ZNF587B: variants seen among roughly 807,000 people sequenced by gnomAD.
The protein encoded by ZNF587B is zinc finger protein 587B.
Under a neutral mutation model 7.2 loss-of-function variants are expected in ZNF587B, and 6 were observed. The observed-to-expected ratio is 0.83, with a 90% confidence interval of 0.46 to 1.65. The LOEUF is 1.65. Ranked by LOEUF, ZNF587B falls within the 40% of genes most tolerant of loss-of-function variation. The pLI is 0.01. For synonymous variants in ZNF587B, 274 were observed against 254.3 expected, an observed-to-expected ratio of 1.08 and a Z score of -0.74; for missense variants, 749 against 761.0, an observed-to-expected ratio of 0.98 and a Z score of 0.19.
intron 1 of ZNF587B, among the ~76,000 whole-genome samples, chr19:57,831,776 C>T (rs1988410237): frequency 6.6e-6 from 1 of 151,362 alleles, no homozygotes; most frequent in African/African-American, 2.4e-5. Flanking sequence ...GTGATCTCGG[C>T]TCACTGCAAC....
intron 1 of ZNF587B, among the ~76,000 whole-genome samples, chr19:57,837,436 TTTG>T (rs1293752669): frequency 1.4e-5 from 2 of 147,732 alleles, no homozygotes; most frequent in African/African-American, 5.3e-5. Flanking sequence ...TTTTTTTTGT[TTTG>T]TTTTTTTTTT....
In ZNF587B at chr19:57,844,186, C is replaced by T. The variant is rs532536905; in HGVS notation, c.*1610C>T. 1.8e-4 allele frequency: 73 copies of T among 414,474 alleles called. No homozygotes were observed. Among genetic ancestry groups the T allele is most frequent in the South Asian group, 1.2e-3 (71 of 58,874 alleles). 25.7% of individuals were successfully genotyped at this position (414,474 alleles called of 1,614,324 possible). A position where few individuals can be genotyped will look rare whatever the true frequency, so the allele number is the denominator to read the frequency against. On this transcript the variant is annotated 3_prime_UTR_variant, in exon 3 of 3. Coordinates refer to ENST00000594901, the MANE Select transcript of ZNF587B (RefSeq NM_001376223.1). ...CCTTCCCCATTTTTGTCCCAGAGGA[C>T]TCTTGTGCTGACTTGAAAAGATGGA...
At chr19:57,839,237 G>T in intron 2 of ZNF587B, 88 bp downstream of exon 2, 1 of 1,563,800 alleles carries the variant, frequency 6.4e-7, no homozygotes, top group Non-Finnish European at 8.7e-7. Context: ...CATGTCAGGA[G>T]CATGGACACA....
rs186791535 is a variant in ZNF587B at position 57,836,634 on chromosome 19, G to T, written c.37-2389G>T. Among the ~76,000 whole-genome samples, 283 of 152,228 alleles carry T rather than the reference G, an allele frequency of 1.9e-3. 2 individuals carry two copies. Among genetic ancestry groups the T allele is most frequent in the African/African-American group, 6.4e-3 (264 of 41,530 alleles). ...ACCTCTCAGAGTGCTGGGATTACAG[G>T]TGTGAGACACCATGACTGGCCACTT... On this transcript the variant is annotated intron_variant, in intron 1 of 2. Coordinates refer to ENST00000594901, the MANE Select transcript of ZNF587B (RefSeq NM_001376223.1).
chr19:57,836,139 A>G (rs1216584591), intron 1 of ZNF587B, among the ~76,000 whole-genome samples: 1 of 151,888 alleles, frequency 6.6e-6, no homozygotes, highest in Non-Finnish European at 1.5e-5. Flanking sequence ...AGATGCAGGC[A>G]GAAGTACAGA....
rs1421746823 is a variant in ZNF587B, at chr19:57,843,898, C to G, written c.*1322C>G. On this transcript the variant is annotated 3_prime_UTR_variant, in exon 3 of 3. Coordinates refer to ENST00000594901, the MANE Select transcript of ZNF587B (RefSeq NM_001376223.1). Reference sequence around the variant, plus strand: ...TACAGTGTGAGCCTCTGCTTCTGGCCTTTTTAAAAATTTTTTAAATTTATA... The same window carrying G: ...TACAGTGTGAGCCTCTGCTTCTGGCGTTTTTAAAAATTTTTTAAATTTATA... Among the ~76,000 whole-genome samples, 1 of 151,914 alleles carries G rather than the reference C, an allele frequency of 6.6e-6. No individual in the cohort carries two copies. Among genetic ancestry groups the G allele is most frequent in the Admixed American group, 6.6e-5 (1 of 15,238 alleles).
chr19:57,837,332 C>T (rs1988656594), intron 1 of ZNF587B, among the ~76,000 whole-genome samples: 2 of 151,950 alleles, frequency 1.3e-5, no homozygotes, highest in African/African-American at 4.8e-5. Context: ...TCTTGACTCA[C>T]TGCAACCTTC....
At chr19:57,840,075 CAAAAAAAAAAAAAAAAAAAAAA>C (rs774635301) in intron 2 of ZNF587B, among the ~76,000 whole-genome samples, 19,728 of 81,128 alleles carry the variant, frequency 0.24, 1,901 homozygotes, top group South Asian at 0.36. Flanking sequence ...ACTCTGTCTC[CAAAAAAAAAAAAAAAAAAAAAA>C]AAAAAAAAAA....
chr19:57,834,770 C>G (rs1412041934), intron 1 of ZNF587B, among the ~76,000 whole-genome samples: 68 of 118,810 alleles, frequency 5.7e-4, no homozygotes, highest in African/African-American at 2.0e-3. Flanking sequence ...GCTTGAACCC[C>G]GGAGGCAGAG....
In ZNF587B at chr19:57,842,634, C is replaced by T. The variant is rs1319142765; in HGVS notation, c.*58C>T. ...AGGAGAGCACACACCTGAGTAAGAT[C>T]TTGTGATTGCAGCAAATGTGGAAAA... On this transcript the variant is annotated 3_prime_UTR_variant, in exon 3 of 3. Coordinates refer to ENST00000594901, the MANE Select transcript of ZNF587B (RefSeq NM_001376223.1). 7.4e-7 allele frequency: 1 copy of T among 1,354,980 alleles called. No homozygotes were observed. Among genetic ancestry groups the T allele is most frequent in the Non-Finnish European group, 9.5e-7 (1 of 1,055,330 alleles). 83.9% of individuals were successfully genotyped at this position (1,354,980 alleles called of 1,614,324 possible).
intron 1 of ZNF587B, among the ~76,000 whole-genome samples, chr19:57,830,849 G>C (rs921954686): frequency 2.0e-5 from 3 of 151,974 alleles, no homozygotes; most frequent in African/African-American, 7.3e-5. Context: ...GATGGGTAAC[G>C]CTCAAAGTTC....
At position 57,841,731 on chromosome 19, in the gene ZNF587B, C is replaced by T. The variant is rs1167419156; in HGVS notation, c.1057C>T (p.Pro353Ser). 6.2e-7 allele frequency: 1 copy of T among 1,608,328 alleles called. No homozygotes were observed. The highest frequency in any genetic ancestry group is 8.5e-7 in the Non-Finnish European group (1 of 1,177,584). The change falls in exon 3 of 3, where the codon CCT becomes TCT. Residue 353 changes from proline to serine, a missense_variant. This residue lies in a region of ZNF587B where 656 missense variants were observed against 596.5 expected (regional missense o/e 1.10). Coordinates refer to ENST00000594901, the MANE Select transcript of ZNF587B (RefSeq NM_001376223.1). The part of the protein sequence containing the change: ...SHQRIHTGER[P>S]YKCGECEKSF... ...TCAGCGCATTCACACTGGAGAGAGA[C>T]CTTACAAGTGTGGAGAATGTGAGAA...
Position 57,842,716 on chromosome 19 carries a change from A to T in ZNF587B, c.*140A>T. ...ACATTGGAGAGTTCACACCAGAGAA[A>T]AGTCCTTACAAGTAAAATAAATTTG... On this transcript the variant is annotated 3_prime_UTR_variant, in exon 3 of 3. Transcript: ENST00000594901. 3 of 1,283,198 alleles carry T rather than the reference A, an allele frequency of 2.3e-6. No individual in the cohort carries two copies. The highest frequency in any genetic ancestry group is 2.9e-6 in the Non-Finnish European group (3 of 1,019,012). The allele number at this position is 1,283,198 out of a possible 1,614,324, so 79.5% of individuals were successfully genotyped here.
chr19:57,842,748 T>C lies in ZNF587B; in HGVS notation c.*172T>C, dbSNP rs1988908526. 1 of 985,414 alleles carries C rather than the reference T, an allele frequency of 1.0e-6. No homozygotes were observed. 61.0% of individuals were successfully genotyped at this position (985,414 alleles called of 1,614,324 possible). A position where few individuals can be genotyped will look rare whatever the true frequency, so the allele number is the denominator to read the frequency against. On this transcript the variant is annotated 3_prime_UTR_variant, in exon 3 of 3. Transcript: ENST00000594901. ...TACAAGTAAAATAAATTTGGCAGTTTTGTAGCCACACCTCTGTATTCCTTC... is the reference window on the plus strand; with the variant it reads ...TACAAGTAAAATAAATTTGGCAGTTCTGTAGCCACACCTCTGTATTCCTTC...
In ZNF587B at chr19:57,842,043, C is replaced by T. The variant is rs1169192956; in HGVS notation, c.1369C>T (p.Gln457Ter). ...FSHKGNLILH[Q>*]HGHTRKRPYM... Reference sequence around the variant, plus strand: ...TCACAAGGGTAACCTCATTCTACACCAGCATGGCCATACTAGAAAAAGGCC... The same window carrying T: ...TCACAAGGGTAACCTCATTCTACACTAGCATGGCCATACTAGAAAAAGGCC... Residue 457 changes from glutamine to a stop codon, truncating the protein, a stop_gained, in exon 3 of 3, where the codon CAG (glutamine) becomes TAG (stop). Transcript: ENST00000594901. LOFTEE classifies it low-confidence loss of function (END_TRUNC). The T allele has an allele frequency of 6.3e-7, 1 of 1,590,692 alleles. No homozygotes were observed. The highest frequency in any genetic ancestry group is 1.1e-5 in the South Asian group (1 of 88,930).
chr19:57,840,691 T>C, intron 2 of ZNF587B, 147 bp from the exon 3 acceptor site: 2 of 1,535,602 alleles, frequency 1.3e-6, no homozygotes, highest in South Asian at 1.2e-5. Context: ...TAATAATACA[T>C]AGCACCATCT....
intron 2 of ZNF587B, among the ~76,000 whole-genome samples, 165 bp from the exon 3 acceptor site, chr19:57,840,673 T>G (rs529251387): frequency 2.0e-5 from 3 of 152,208 alleles, no homozygotes; most frequent in Non-Finnish European, 4.4e-5. Flanking sequence ...GTGACCGTTA[T>G]AGTCCAGTAA....
chr19:57,837,578 A>G (rs1019035759), intron 1 of ZNF587B, among the ~76,000 whole-genome samples: 2 of 151,668 alleles, frequency 1.3e-5, no homozygotes, highest in African/African-American at 2.4e-5. Flanking sequence ...CCTCCCAAGT[A>G]TCTGGGACTA....
In ZNF587B at chr19:57,841,846, A is replaced by G. The variant is rs879052970; in HGVS notation, c.1172A>G (p.Tyr391Cys). Reference sequence around the variant, plus strand: ...AAGTGTGGAGAATGTGGGAAATCTTATATTTCAAAGGGGCACCTTAGGATC... The same window carrying G: ...AAGTGTGGAGAATGTGGGAAATCTTGTATTTCAAAGGGGCACCTTAGGATC... ...PYKCGECGKSYISKGHLRIHQ... is the reference protein window; with the variant it reads ...PYKCGECGKSCISKGHLRIHQ... Residue 391 changes from tyrosine (Y) to cysteine (C), a missense_variant, in exon 3 of 3, where the codon TAT becomes TGT. Coordinates refer to ENST00000594901, the MANE Select transcript of ZNF587B (RefSeq NM_001376223.1). 6 of 1,612,056 alleles carry G rather than the reference A, an allele frequency of 3.7e-6. No homozygotes were observed. Among genetic ancestry groups the G allele is most frequent in the Non-Finnish European group, 5.1e-6 (6 of 1,179,380 alleles).
Sources: gnomAD v4.1 joint callset for allele counts (sites outside exome capture counted in the v4.1 genomes callset) on GRCh38, gnomAD v4.1.1 for gene constraint, gnomAD v4.1.1 regional missense constraint, MANE v1.5 for transcripts, NCBI Gene and HGNC (gene_info 2026-07-23, HGNC 2026-07-21) for gene names.